MTSS1: variants seen among roughly 807,000 people sequenced by gnomAD.
The protein encoded by MTSS1 is protein MTSS 1.
Under a neutral mutation model 79.0 loss-of-function variants are expected in MTSS1, and 18 were observed. That is an observed-to-expected ratio of 0.23 (90% CI 0.16 to 0.34). The LOEUF (loss-of-function observed/expected upper bound fraction) is 0.34, where lower values mean the gene tolerates loss of function less well. Ranked by LOEUF, MTSS1 falls within the 10% of genes least tolerant of loss-of-function variation. MTSS1 has a pLI of 1.00. For synonymous variants in MTSS1, 341 were observed against 368.6 expected (o/e 0.93, Z 0.86); for missense variants, 815 against 986.2 (o/e 0.83, Z 2.33).
chr8:124,575,341 CTG>C lies in MTSS1; in HGVS notation c.461-6807_461-6806del. 2.0e-5 allele frequency among the ~76,000 whole-genome samples: 3 copies of C among 152,334 alleles called. No homozygotes were observed. In the East Asian group the frequency reaches 5.8e-4, roughly 29 times the overall value. ...TCAATTTCCGTTATTTTTCAACCTA[CTG>C]TGCCCCAGTTTCCCTTTACCTGTGG... On this transcript the variant is annotated intron_variant, in intron 6 of 13. Transcript: ENST00000518547.
intron 4 of MTSS1, among the ~76,000 whole-genome samples, chr8:124,590,193 T>A (rs1164316294): frequency 6.6e-6 from 1 of 152,222 alleles, no homozygotes; most frequent in African/African-American, 2.4e-5. Context: ...AAGCTGTCAA[T>A]GTGACTGGTG....
intron 10 of MTSS1, chr8:124,558,957 C>G (rs894533289): frequency 8.6e-6 from 11 of 1,281,700 alleles, no homozygotes; most frequent in Middle Eastern, 5.2e-4. Context: ...GAGAAAGAGA[C>G]AGACATATAC....
intron 5 of MTSS1, among the ~76,000 whole-genome samples, chr8:124,586,439 T>G (rs1662564708): frequency 6.6e-6 from 1 of 152,180 alleles, no homozygotes; most frequent in South Asian, 2.1e-4. Context: ...TGCCTCATTT[T>G]CTAATTCCTC....
At chr8:124,722,924 G>A (rs1833156780) in intron 1 of MTSS1, among the ~76,000 whole-genome samples, 1 of 152,198 alleles carries the variant, frequency 6.6e-6, no homozygotes, top group Non-Finnish European at 1.5e-5. Flanking sequence ...AATCTTGCCA[G>A]CTATCGCCAC....
intron 3 of MTSS1, among the ~76,000 whole-genome samples, chr8:124,619,878 G>A (rs777426149): frequency 2.6e-5 from 4 of 151,956 alleles, no homozygotes; most frequent in Non-Finnish European, 5.9e-5. Flanking sequence ...GGCCATCAGC[G>A]GCAGGCCTGG....
intron 13 of MTSS1, among the ~76,000 whole-genome samples, chr8:124,555,288 C>T (rs1172325871): frequency 6.6e-6 from 1 of 152,126 alleles, no homozygotes; most frequent in Non-Finnish European, 1.5e-5. Flanking sequence ...CTCTGTCACC[C>T]GGGCTGGAGT....
intron 3 of MTSS1, among the ~76,000 whole-genome samples, chr8:124,593,733 G>C (rs1418108054): frequency 6.6e-6 from 1 of 152,168 alleles, no homozygotes; most frequent in Admixed American, 6.5e-5. Flanking sequence ...TTATAGAAAG[G>C]AAAAATGCCC....
Position 124,562,822 on chromosome 8 carries a change from G to C in MTSS1, c.995C>G (p.Ser332Cys). 1 of 1,614,186 alleles carries C rather than the reference G, an allele frequency of 6.2e-7. No individual in the cohort carries two copies. The highest frequency in any genetic ancestry group is 1.1e-5 in the South Asian group (1 of 91,082). ...TGGCGGCATGGGGGATGGTGACTTG[G>C]ACTGGAAGGCATCCTGGGATATGAA... is the stretch of plus-strand genomic sequence containing the variant. ...SGFISQDAFQ[S>C]KSPSPMPPEA... is the part of the protein sequence containing the mutation. Residue 332 changes from serine (S) to cysteine (C), a missense_variant, in exon 10 of 14, where the codon TCC becomes TGC. Transcript: ENST00000518547.
chr8:124,724,212 G>A (rs1430848), intron 1 of MTSS1, among the ~76,000 whole-genome samples: 22,293 of 152,120 alleles, frequency 0.15, 2,008 homozygotes, highest in East Asian at 0.28. Flanking sequence ...CTATGATATG[G>A]GAGGGAAAAT....
At chr8:124,649,618 A>G (rs774406398) in intron 3 of MTSS1, among the ~76,000 whole-genome samples, 1 of 152,044 alleles carries the variant, frequency 6.6e-6, no homozygotes, top group Non-Finnish European at 1.5e-5. Flanking sequence ...AATGGTAATG[A>G]CCCTACTGAC....
chr8:124,679,290 T>C (rs58880161), intron 3 of MTSS1, among the ~76,000 whole-genome samples: 24,891 of 152,242 alleles, frequency 0.16, 2,271 homozygotes, highest in Admixed American at 0.27. Context: ...TCGCACACTG[T>C]AGTGGCTGCT....
chr8:124,569,190 G>A (rs185988920), intron 6 of MTSS1, among the ~76,000 whole-genome samples: 70 of 152,240 alleles, frequency 4.6e-4, no homozygotes, highest in Admixed American at 2.2e-3. Flanking sequence ...GGGTCTATGC[G>A]GAGCCTGGCC....
intron 3 of MTSS1, 75 bp downstream of exon 3, chr8:124,699,451 T>C: frequency 7.4e-7 from 1 of 1,351,786 alleles, no homozygotes; most frequent in Non-Finnish European, 1.1e-6. Context: ...CTGCATCTTC[T>C]TGTGCAGCCA....
rs147279885 is a variant in MTSS1 at position 124,595,971 on chromosome 8, G to T, written c.209-4736C>A. On this transcript the variant is annotated intron_variant, in intron 3 of 13. Coordinates refer to ENST00000518547, the MANE Select transcript of MTSS1 (RefSeq NM_014751.6). ...GGGGAATGTTTTCCTGATCTTAAGA[G>T]AAACACACCAAAGGGTTCCACAGGC... is the stretch of plus-strand genomic sequence containing the variant. Among the ~76,000 whole-genome samples, 15 of 152,284 alleles carry T rather than the reference G, an allele frequency of 9.9e-5. No homozygotes were observed. The East Asian group carries it at 2.9e-3, about 29-fold the overall frequency.
intron 1 of MTSS1, among the ~76,000 whole-genome samples, chr8:124,721,567 G>A (rs984427514): frequency 6.6e-5 from 10 of 151,984 alleles, no homozygotes; most frequent in African/African-American, 2.2e-4. Flanking sequence ...GCGTGATCAC[G>A]CTGGGCTAAA....
chr8:124,593,894 T>C, intron 3 of MTSS1, among the ~76,000 whole-genome samples: 1 of 152,194 alleles, frequency 6.6e-6, no homozygotes, highest in East Asian at 1.9e-4. Context: ...TAGAACAATG[T>C]ACACCAAACT....
intron 3 of MTSS1, among the ~76,000 whole-genome samples, chr8:124,641,646 G>A (rs1020523678): frequency 7.9e-5 from 12 of 152,128 alleles, no homozygotes; most frequent in Non-Finnish European, 1.3e-4. Context: ...ACAGAAAGAC[G>A]GACAGATGGT....
intron 6 of MTSS1, among the ~76,000 whole-genome samples, chr8:124,569,374 C>T (rs1044435839): frequency 1.2e-4 from 18 of 152,200 alleles, no homozygotes; most frequent in African/African-American, 4.3e-4. Flanking sequence ...TACCATATTG[C>T]CTGTACCAGT....
chr8:124,555,964 C>T, intron 12 of MTSS1, 60 bp from the exon 13 acceptor site: 5 of 1,586,882 alleles, frequency 3.2e-6, no homozygotes, highest in Middle Eastern at 1.7e-4. Context: ...AACAGCACTC[C>T]TGTTCTGCCC....
Sources: gnomAD v4.1 joint callset for allele counts (sites outside exome capture counted in the v4.1 genomes callset) on GRCh38, gnomAD v4.1.1 for gene constraint, MANE v1.5 for transcripts, NCBI Gene and HGNC (gene_info 2026-07-23, HGNC 2026-07-21) for gene names.